Variants in MYRIP observed in about 807,000 individuals in gnomAD.
MYRIP encodes the protein rab effector MyRIP.
A neutral mutation model predicts 98.0 loss-of-function variants in MYRIP; 49 were observed. The observed-to-expected ratio is 0.50, with a 90% CI of 0.40 to 0.63. The LOEUF is 0.63. Ranked by LOEUF, MYRIP falls within the 30% of genes least tolerant of loss-of-function variation. MYRIP has a pLI of 0.00. For synonymous variants in MYRIP, 404 were observed against 409.5 expected (o/e 0.99, Z 0.16); for missense variants, 1,004 against 1,058.2 (o/e 0.95, Z 0.71).
intron 1 of MYRIP, among the ~76,000 whole-genome samples, chr3:39,833,606 C>T (rs920240142): frequency 6.6e-6 from 1 of 152,108 alleles, no homozygotes; most frequent in African/African-American, 2.4e-5. Flanking sequence ...CCTGGCATAG[C>T]GTTGGGTACA....
chr3:40,071,179 C>G (rs1948217248), intron 3 of MYRIP: 1 of 985,364 alleles, frequency 1.0e-6, no homozygotes, highest in Admixed American at 6.1e-5. Flanking sequence ...GACTTGTTCC[C>G]TACCGTAATC....
At chr3:39,857,471 G>T (rs144136666) in intron 1 of MYRIP, among the ~76,000 whole-genome samples, 5 of 152,118 alleles carry the variant, frequency 3.3e-5, no homozygotes, top group Non-Finnish European at 5.9e-5. Context: ...ATTCAATAGA[G>T]AGCTTCAACA....
intron 2 of MYRIP, among the ~76,000 whole-genome samples, chr3:39,915,892 T>C (rs1338208056): frequency 6.6e-6 from 1 of 152,020 alleles, no homozygotes; most frequent in African/African-American, 2.4e-5. Context: ...CCATTAAATT[T>C]ATTTCTTTTC....
Position 40,180,726 on chromosome 3 carries a change from T to A in MYRIP, c.874-1494T>A, listed in dbSNP as rs116522697. On this transcript the variant is annotated intron_variant, in intron 8 of 16. Coordinates refer to ENST00000302541, the MANE Select transcript of MYRIP (RefSeq NM_015460.4). The stretch of plus-strand genomic sequence containing the variant: ...AAGGGATAGGAGCAGGTTGTAACAC[T>A]TGGTTCACAGCTTAGGGGGTTCCAT... 5.8e-3 allele frequency among the ~76,000 whole-genome samples: 888 copies of A among 152,312 alleles called. 5 individuals carry two copies. Among genetic ancestry groups the A allele is most frequent in the African/African-American group, 0.02 (838 of 41,566 alleles).
chr3:40,076,222 T>C (rs1202711855), intron 3 of MYRIP, among the ~76,000 whole-genome samples: 2 of 151,894 alleles, frequency 1.3e-5, no homozygotes, highest in African/African-American at 4.8e-5. Context: ...AAAATAAAAA[T>C]AAGAAACTCC....
intron 2 of MYRIP, among the ~76,000 whole-genome samples, chr3:40,009,819 C>T (rs1447687227): frequency 6.6e-6 from 1 of 152,212 alleles, no homozygotes; most frequent in Non-Finnish European, 1.5e-5. Context: ...TGAATGCATA[C>T]TTTATTTCCA....
At chr3:40,099,959 G>A in intron 3 of MYRIP, 3 of 979,550 alleles carry the variant, frequency 3.1e-6, no homozygotes, top group Non-Finnish European at 3.6e-6. Flanking sequence ...TCTCGGCATT[G>A]GTTGTCTGAG....
chr3:39,811,242 G>A (rs956502221), intron 1 of MYRIP, among the ~76,000 whole-genome samples: 7 of 152,034 alleles, frequency 4.6e-5, no homozygotes, highest in Non-Finnish European at 1.0e-4. Flanking sequence ...GTTTTGTGAT[G>A]ACTGACCAGC....
At chr3:40,125,076 A>T (rs930071686) in intron 3 of MYRIP, among the ~76,000 whole-genome samples, 3 of 152,202 alleles carry the variant, frequency 2.0e-5, no homozygotes, top group Non-Finnish European at 4.4e-5. Context: ...GGTTGATTGT[A>T]TAAGGATTAG....
chr3:40,252,633 C>G lies in MYRIP; in HGVS notation c.2547+634C>G, dbSNP rs535632946. Among the ~76,000 whole-genome samples, 9 of 152,248 alleles carry G rather than the reference C, an allele frequency of 5.9e-5. No homozygotes were observed. In the East Asian group the frequency reaches 1.7e-3, roughly 29 times the overall value. On this transcript the variant is annotated intron_variant, in intron 16 of 16. Transcript: ENST00000302541. ...ACACAGAGAACTTTAGCCAAGTCCC[C>G]CGAAACCAGATGAACTACCCAAGAA...
chr3:40,143,699 C>T (rs1186441644), intron 3 of MYRIP, among the ~76,000 whole-genome samples: 1 of 152,178 alleles, frequency 6.6e-6, no homozygotes, highest in South Asian at 2.1e-4. Context: ...TTATGGGGTA[C>T]AATGTGACAT....
At chr3:39,814,090 G>A (rs1007825295) in intron 1 of MYRIP, among the ~76,000 whole-genome samples, 7 of 152,318 alleles carry the variant, frequency 4.6e-5, no homozygotes, top group African/African-American at 1.7e-4. Context: ...ACAAGATCTT[G>A]TAGAAATGTA....
chr3:40,237,761 A>G (rs1012967888), intron 12 of MYRIP, among the ~76,000 whole-genome samples: 1 of 152,244 alleles, frequency 6.6e-6, no homozygotes, highest in African/African-American at 2.4e-5. Flanking sequence ...TGAAAGGGTT[A>G]AAGACATGGT....
At chr3:40,005,182 C>G (rs1318378844) in intron 2 of MYRIP, among the ~76,000 whole-genome samples, 1 of 152,218 alleles carries the variant, frequency 6.6e-6, no homozygotes, top group East Asian at 1.9e-4. Flanking sequence ...CAATCCACCA[C>G]TGATGGGCAC....
intron 2 of MYRIP, among the ~76,000 whole-genome samples, chr3:39,965,816 C>G (rs564155178): frequency 6.6e-6 from 1 of 152,168 alleles, no homozygotes; most frequent in African/African-American, 2.4e-5. Context: ...GGAGTGTAGC[C>G]TAGCCAGGTT....
intron 1 of MYRIP, among the ~76,000 whole-genome samples, chr3:39,844,387 C>T (rs1386178184): frequency 6.6e-6 from 1 of 152,198 alleles, no homozygotes; most frequent in African/African-American, 2.4e-5. Flanking sequence ...TCAATTATAT[C>T]TCACAGAATC....
chr3:40,250,473 G>C lies in MYRIP; in HGVS notation c.2402G>C (p.Arg801Thr). ...ATAGATACATCAAGGCAGCAAAGGA[G>C]GAAACTGCCTGCTCCACCGGTGAAA... ...QTIDTSRQQR[R>T]KLPAPPVKAE... The change falls in exon 15 of 17, where the codon AGG (arginine) becomes ACG (threonine). Residue 801 changes from arginine to threonine, a missense_variant. This residue lies in a region of MYRIP where 108 missense variants were observed against 111.1 expected (regional missense o/e 0.97). Coordinates refer to ENST00000302541, the MANE Select transcript of MYRIP (RefSeq NM_015460.4). 1 of 1,614,180 alleles carries C rather than the reference G, an allele frequency of 6.2e-7. No homozygotes were observed. Among genetic ancestry groups the C allele is most frequent in the Non-Finnish European group, 8.5e-7 (1 of 1,180,014 alleles).
Position 40,246,586 on chromosome 3 carries a change from C to G in MYRIP, c.2262+1979C>G, listed in dbSNP as rs184746168. Among the ~76,000 whole-genome samples, 586 of 152,076 alleles carry G rather than the reference C, an allele frequency of 3.9e-3. 11 individuals are homozygous for G. The highest frequency in any genetic ancestry group is 5.9e-4 in the Non-Finnish European group (40 of 68,004). On this transcript the variant is annotated intron_variant, in intron 13 of 16. Transcript: ENST00000302541. Reference sequence around the variant, plus strand: ...ATTTACATTGTGAGGGTGACGGAAGCTGTGAAGACATGTGGCCTTCTATCT... The same window carrying G: ...ATTTACATTGTGAGGGTGACGGAAGGTGTGAAGACATGTGGCCTTCTATCT...
chr3:39,920,091 G>T (rs1370032256), intron 2 of MYRIP, among the ~76,000 whole-genome samples: 1 of 151,840 alleles, frequency 6.6e-6, no homozygotes, highest in Non-Finnish European at 1.5e-5. Context: ...ATTAATAAAT[G>T]TTCCTTTGAC....
Sources: allele counts gnomAD v4.1 joint callset (sites outside exome capture counted in the v4.1 genomes callset), GRCh38; gene constraint gnomAD v4.1.1; regional missense constraint gnomAD v4.1.1; transcripts MANE v1.5; gene names NCBI Gene and HGNC (gene_info 2026-07-23, HGNC 2026-07-21).